Variants in SNX9 observed in about 807,000 individuals in gnomAD.
SNX9 encodes sorting nexin 9.
Under a neutral mutation model 89.4 loss-of-function variants are expected in SNX9, and 44 were observed. The observed-to-expected ratio is 0.49, with a 90% CI of 0.39 to 0.63. The LOEUF is 0.63. SNX9 is among the 30% of genes least tolerant of loss of function. The pLI, the probability that SNX9 is intolerant of heterozygous loss-of-function variation, is 0.00. For missense variants in SNX9, 578 were observed against 736.1 expected, an observed-to-expected ratio of 0.79 and a Z score of 2.49; for synonymous variants, 236 against 247.8, an observed-to-expected ratio of 0.95 and a Z score of 0.45.
intron 4 of SNX9, among the ~76,000 whole-genome samples, chr6:157,882,180 G>A (rs1028271087): frequency 6.6e-6 from 1 of 152,180 alleles, no homozygotes; most frequent in African/African-American, 2.4e-5. Context: ...GAATTATGCG[G>A]AATCTACTCT....
chr6:157,938,085 G>A (rs1245724046), intron 15 of SNX9, among the ~76,000 whole-genome samples: 2 of 152,232 alleles, frequency 1.3e-5, no homozygotes, highest in South Asian at 2.1e-4. Context: ...AACGAGCAGC[G>A]TGATGACACT....
intron 4 of SNX9, among the ~76,000 whole-genome samples, chr6:157,887,503 G>A (rs1782760265): frequency 6.6e-6 from 1 of 152,110 alleles, no homozygotes; most frequent in South Asian, 2.1e-4. Context: ...TCCCACCACA[G>A]AGACCGCCGA....
At chr6:157,844,600 G>GTTTGTTTTTTTTTTTTTTTTTTTTT (rs1781767359) in intron 1 of SNX9, among the ~76,000 whole-genome samples, 1 of 131,806 alleles carries the variant, frequency 7.6e-6, no homozygotes. Flanking sequence ...TTTTTTTTTT[G>GTTTGTTTTTTTTTTTTTTTTTTTTT]TTTTTTTTTT....
intron 1 of SNX9, among the ~76,000 whole-genome samples, chr6:157,829,764 T>C (rs961507427): frequency 6.6e-6 from 1 of 152,210 alleles, no homozygotes. Context: ...TCACTAGCTT[T>C]TGGTAAATAT....
chr6:157,914,569 C>G (rs145416462), intron 9 of SNX9, among the ~76,000 whole-genome samples: 2 of 149,996 alleles, frequency 1.3e-5, no homozygotes, highest in Non-Finnish European at 3.0e-5. Context: ...CTTGACCTCC[C>G]GGGCTCAAGC....
At position 157,839,190 on chromosome 6, in the gene SNX9, C is replaced by G. The variant is rs7753797; in HGVS notation, c.12+15744C>G. Among the ~76,000 whole-genome samples the G allele has an allele frequency of 5.8e-3, 878 of 152,214 alleles. 6 individuals carry two copies. The highest frequency in any genetic ancestry group is 0.019 in the African/African-American group (799 of 41,512). On this transcript the variant is annotated intron_variant, in intron 1 of 17. Transcript: ENST00000392185. ...AATGAATTGTCCTTGTGTATAATTA[C>G]TGTTATATGTGTGTGGGGATGTATA...
At chr6:157,941,023 C>A in intron 17 of SNX9, 49 bp downstream of exon 17, 1 of 1,466,482 alleles carries the variant, frequency 6.8e-7, no homozygotes, top group Non-Finnish European at 9.6e-7. Flanking sequence ...GAGAGGGTTC[C>A]TGGTAAACCA....
At chr6:157,849,326 C>T (rs765755597) in intron 1 of SNX9, among the ~76,000 whole-genome samples, 2 of 152,166 alleles carry the variant, frequency 1.3e-5, no homozygotes, top group African/African-American at 4.8e-5. Flanking sequence ...CATGGTCAGC[C>T]TCTTTATAAG....
At chr6:157,909,205 A>G (rs1265609371) in intron 7 of SNX9, among the ~76,000 whole-genome samples, 1 of 152,258 alleles carries the variant, frequency 6.6e-6, no homozygotes, top group Non-Finnish European at 1.5e-5. Context: ...CCACCGTGAG[A>G]TAGGTACAGT....
At chr6:157,930,845 G>A (rs937287852) in intron 12 of SNX9, among the ~76,000 whole-genome samples, 2 of 152,208 alleles carry the variant, frequency 1.3e-5, no homozygotes, top group East Asian at 1.9e-4. Flanking sequence ...AATTAATTTT[G>A]ACTGTAAACT....
chr6:157,833,975 T>C (rs1781522724), intron 1 of SNX9, among the ~76,000 whole-genome samples: 1 of 151,948 alleles, frequency 6.6e-6, no homozygotes, highest in Admixed American at 6.6e-5. Flanking sequence ...CTTAAGTCTG[T>C]CTCTCCACGC....
rs1554291784 is a variant in SNX9 at position 157,844,587 on chromosome 6, G to GTTTTTTTGTTTTTTTTTTTTTT, written c.12+21148_12+21149insGTTTTTTTTTTTTTTTTTTTTT. On this transcript the variant is annotated intron_variant, in intron 1 of 17. Transcript: ENST00000392185. ...ATTTTTAATCTTGTGGCTAATCCTT[G>GTTTTTTTGTTTTTTTTTTTTTT]TTTTTTTTTTTTGTTTTTTTTTTTG... Among the ~76,000 whole-genome samples the GTTTTTTTGTTTTTTTTTTTTTT allele has an allele frequency of 1.6e-3, 209 of 130,256 alleles. 5 individuals carry two copies. The highest frequency in any genetic ancestry group is 2.4e-3 in the Non-Finnish European group (150 of 61,856). The allele number at this position is 130,256 out of a possible 152,430, so 85.5% of individuals were successfully genotyped here. A position where few individuals can be genotyped will look rare whatever the true frequency, so the allele number is the denominator to read the frequency against.
At chr6:157,889,787 G>A (rs1034801007) in intron 4 of SNX9, among the ~76,000 whole-genome samples, 6 of 152,124 alleles carry the variant, frequency 3.9e-5, no homozygotes, top group Admixed American at 3.9e-4. Context: ...AAGCTAATAG[G>A]TATGTTACTT....
intron 4 of SNX9, among the ~76,000 whole-genome samples, chr6:157,879,426 C>A (rs950728722): frequency 1.3e-5 from 2 of 152,142 alleles, no homozygotes; most frequent in African/African-American, 4.8e-5. Flanking sequence ...CACACACATA[C>A]ACACACACCA....
intron 1 of SNX9, among the ~76,000 whole-genome samples, chr6:157,860,719 T>C (rs1028066332): frequency 6.6e-6 from 1 of 152,234 alleles, no homozygotes; most frequent in African/African-American, 2.4e-5. Context: ...GTATTTCCTG[T>C]GGTCTTAAGT....
intron 10 of SNX9, among the ~76,000 whole-genome samples, chr6:157,922,843 A>G (rs943253631): frequency 1.3e-5 from 2 of 152,218 alleles, no homozygotes; most frequent in African/African-American, 4.8e-5. Context: ...TCATGTAGCT[A>G]TATAGTAGTG....
intron 1 of SNX9, among the ~76,000 whole-genome samples, chr6:157,867,177 C>G (rs1004188460): frequency 6.6e-6 from 1 of 152,002 alleles, no homozygotes; most frequent in African/African-American, 2.4e-5. Context: ...GGTCTCGAAC[C>G]CCTGGCCTCA....
rs144662956 is a variant in SNX9 at position 157,919,047 on chromosome 6, C to T, written c.950-2484C>T. 6.5e-4 allele frequency among the ~76,000 whole-genome samples: 99 copies of T among 152,162 alleles called. 2 individuals carry two copies. Among genetic ancestry groups the T allele is most frequent in the African/African-American group, 2.2e-3 (91 of 41,512 alleles). On this transcript the variant is annotated intron_variant, in intron 9 of 17. Transcript: ENST00000392185. ...TCTTTTACATTAATCCTTATATTTCCGGTGCTGCTTATTTGTCTCTGCAGA... is the reference window on the plus strand; with the variant it reads ...TCTTTTACATTAATCCTTATATTTCTGGTGCTGCTTATTTGTCTCTGCAGA...
intron 1 of SNX9, among the ~76,000 whole-genome samples, chr6:157,827,853 T>C (rs1275028404): frequency 6.8e-6 from 1 of 146,806 alleles, no homozygotes; most frequent in African/African-American, 2.7e-5. Flanking sequence ...ATTCTAGGAG[T>C]TCCTGATGCT....
Sources: gnomAD v4.1 joint callset for allele counts (sites outside exome capture counted in the v4.1 genomes callset) on GRCh38, gnomAD v4.1.1 for gene constraint, MANE v1.5 for transcripts, NCBI Gene and HGNC (gene_info 2026-07-23, HGNC 2026-07-21) for gene names.